Variants in BORCS5 observed in about 807,000 individuals in gnomAD.
BORCS5 encodes the protein BLOC-1-related complex subunit 5.
BORCS5 carries 17 observed loss-of-function variants against 22.1 expected under a neutral mutation model. That is an observed-to-expected ratio of 0.77 (90% CI 0.53 to 1.15). The LOEUF (loss-of-function observed/expected upper bound fraction) is 1.15. Among genes scored for constraint, BORCS5 ranks in the 50% most tolerant of loss-of-function variants. The pLI is 0.00. For missense variants in BORCS5, 247 were observed against 253.2 expected (o/e 0.98, Z 0.17); for synonymous variants, 117 against 99.8 (o/e 1.17, Z -1.03).
rs147384218 is a variant in BORCS5 at position 12,388,452 on chromosome 12, A to G, written c.202+27103A>G. On this transcript the variant is annotated intron_variant, in intron 2 of 3. Transcript: ENST00000314565. ...GAACTGCTGGCCGAGGATAGTTAATATTCAAAAGCAAAAGAAATGTATCTG... is the reference window on the plus strand; with the variant it reads ...GAACTGCTGGCCGAGGATAGTTAATGTTCAAAAGCAAAAGAAATGTATCTG... Among the ~76,000 whole-genome samples, 81 of 151,600 alleles carry G rather than the reference A, an allele frequency of 5.3e-4. 1 individual carries two copies. In the East Asian group the frequency reaches 0.015, roughly 28 times the overall value.
At chr12:12,411,743 T>C (rs1941740549) in intron 2 of BORCS5, among the ~76,000 whole-genome samples, 1 of 152,210 alleles carries the variant, frequency 6.6e-6, no homozygotes, top group African/African-American at 2.4e-5. Flanking sequence ...GTAAAAAACA[T>C]TAAACGTTTT....
intron 2 of BORCS5, among the ~76,000 whole-genome samples, chr12:12,391,516 G>T (rs1021733166): frequency 2.0e-5 from 3 of 151,482 alleles, no homozygotes; most frequent in Non-Finnish European, 4.4e-5. Flanking sequence ...CTCCCAAGTC[G>T]CTGGGACTAC....
chr12:12,412,538 C>T (rs1941762526), intron 2 of BORCS5, among the ~76,000 whole-genome samples: 1 of 152,102 alleles, frequency 6.6e-6, no homozygotes, highest in Non-Finnish European at 1.5e-5. Flanking sequence ...TTCAGGTTTT[C>T]TATATATGAG....
At chr12:12,407,332 A>C (rs1012944848) in intron 2 of BORCS5, among the ~76,000 whole-genome samples, 2 of 151,754 alleles carry the variant, frequency 1.3e-5, no homozygotes, top group African/African-American at 4.8e-5. Flanking sequence ...AGGAAATGGA[A>C]TTTATTCTTT....
intron 2 of BORCS5, among the ~76,000 whole-genome samples, chr12:12,402,374 G>A (rs1258400908): frequency 1.3e-5 from 2 of 152,178 alleles, no homozygotes; most frequent in East Asian, 3.8e-4. Flanking sequence ...TGTCATATTT[G>A]AATTGAGTGG....
intron 3 of BORCS5, among the ~76,000 whole-genome samples, chr12:12,446,883 C>A (rs879926542): frequency 1.3e-5 from 2 of 152,104 alleles, no homozygotes; most frequent in Non-Finnish European, 2.9e-5. Flanking sequence ...CCATACGGAG[C>A]TATGTAAAAG....
At chr12:12,398,702 C>T (rs577369910) in intron 2 of BORCS5, among the ~76,000 whole-genome samples, 5 of 152,274 alleles carry the variant, frequency 3.3e-5, no homozygotes, top group African/African-American at 1.2e-4. Flanking sequence ...TTTCCAAACA[C>T]TAGGAGGCAA....
rs189462348 is a variant in BORCS5, at chr12:12,373,567, A to T, written c.202+12218A>T. ...TTCATGTGCAGAGGCAGAAATCCTT[A>T]AAAAAATGCTTTTTAATCCATATTT... On this transcript the variant is annotated intron_variant, in intron 2 of 3. Coordinates refer to ENST00000314565, the MANE Select transcript of BORCS5 (RefSeq NM_058169.6). Among the ~76,000 whole-genome samples the T allele has an allele frequency of 3.7e-3, 558 of 149,530 alleles. 4 individuals are homozygous for T. The highest frequency in any genetic ancestry group is 0.012 in the African/African-American group (480 of 41,454).
At chr12:12,429,798 C>T (rs990508424) in intron 2 of BORCS5, among the ~76,000 whole-genome samples, 3 of 152,162 alleles carry the variant, frequency 2.0e-5, no homozygotes, top group African/African-American at 4.8e-5. Flanking sequence ...CTTGGGCTGG[C>T]CCTGTAGCCT....
At chr12:12,411,838 C>G (rs1191562734) in intron 2 of BORCS5, among the ~76,000 whole-genome samples, 1 of 152,142 alleles carries the variant, frequency 6.6e-6, no homozygotes, top group African/African-American at 2.4e-5. Flanking sequence ...CAACCTCATT[C>G]TTTTGCATGT....
At chr12:12,379,390 C>T (rs1863728941) in intron 2 of BORCS5, among the ~76,000 whole-genome samples, 1 of 151,542 alleles carries the variant, frequency 6.6e-6, no homozygotes, top group African/African-American at 2.4e-5. Context: ...GCTGGGTTTA[C>T]AGGCATGGGC....
chr12:12,421,289 C>G (rs1731594253), intron 2 of BORCS5, among the ~76,000 whole-genome samples: 1 of 152,126 alleles, frequency 6.6e-6, no homozygotes, highest in Non-Finnish European at 1.5e-5. Flanking sequence ...AAGGCCTTTT[C>G]TGCATCTATT....
At chr12:12,410,148 T>G (rs942682117) in intron 2 of BORCS5, among the ~76,000 whole-genome samples, 2 of 152,262 alleles carry the variant, frequency 1.3e-5, no homozygotes, top group African/African-American at 4.8e-5. Flanking sequence ...ATGAGTAGGT[T>G]GCAAACATTT....
At chr12:12,422,467 A>T (rs1022047176) in intron 2 of BORCS5, among the ~76,000 whole-genome samples, 13 of 152,284 alleles carry the variant, frequency 8.5e-5, no homozygotes, top group African/African-American at 3.1e-4. Flanking sequence ...TTCAAAAATT[A>T]GCCAGGCGTG....
chr12:12,417,492 A>C, intron 2 of BORCS5, among the ~76,000 whole-genome samples: 1 of 152,130 alleles, frequency 6.6e-6, no homozygotes, highest in Non-Finnish European at 1.5e-5. Context: ...TTGTGTGTTC[A>C]AGTCCTCTAC....
rs185738479 is a variant in BORCS5, at chr12:12,416,702, C to G, written c.203-18926C>G. On this transcript the variant is annotated intron_variant, in intron 2 of 3. Transcript: ENST00000314565. Reference sequence around the variant, plus strand: ...TCTCGAACTCCTGGGCTCAAGCGATCCTTCCACCTCCGCCTACTGAGTAGA... The same window carrying G: ...TCTCGAACTCCTGGGCTCAAGCGATGCTTCCACCTCCGCCTACTGAGTAGA... Among the ~76,000 whole-genome samples the G allele has an allele frequency of 5.4e-3, 819 of 152,090 alleles. 7 individuals are homozygous for G. Among genetic ancestry groups the G allele is most frequent in the Non-Finnish European group, 8.2e-3 (559 of 67,996 alleles).
intron 2 of BORCS5, among the ~76,000 whole-genome samples, chr12:12,406,403 C>G (rs1941595882): frequency 2.0e-5 from 3 of 152,160 alleles, no homozygotes; most frequent in Admixed American, 6.5e-5. Context: ...TGAGAACTTT[C>G]CATCTGATCA....
chr12:12,452,445 G>T, intron 3 of BORCS5: 1 of 522,550 alleles, frequency 1.9e-6, no homozygotes. Context: ...GAGAGCCGCG[G>T]TTTCCCATGA....
intron 2 of BORCS5, among the ~76,000 whole-genome samples, chr12:12,422,073 T>TTC (rs1424951293): frequency 6.6e-6 from 1 of 152,192 alleles, no homozygotes; most frequent in Non-Finnish European, 1.5e-5. Flanking sequence ...CTGATCTTAG[T>TTC]TATTTCTTGC....
Sources: allele counts gnomAD v4.1 joint callset (sites outside exome capture counted in the v4.1 genomes callset), GRCh38; gene constraint gnomAD v4.1.1; transcripts MANE v1.5; gene names NCBI Gene and HGNC (gene_info 2026-07-23, HGNC 2026-07-21).